The following MSRA variants were observed in gnomAD, a reference collection of about 807,000 sequenced individuals.
MSRA encodes methionine sulfoxide reductase A, also known as mitochondrial peptide methionine sulfoxide reductase.
MSRA carries 54 observed loss-of-function variants against 31.3 expected under a neutral mutation model. The observed-to-expected ratio is 1.73, with a 90% CI of 1.39 to 2.17. The LOEUF is 2.17. Among genes scored for constraint, MSRA ranks in the 30% most tolerant of loss-of-function variants. The probability of loss-of-function intolerance (pLI) is 0.00; values close to 1 mark genes in which losing one functional copy is unlikely to be tolerated. For synonymous variants in MSRA, 169 were observed against 116.5 expected (o/e 1.45, Z -2.90); for missense variants, 507 against 300.9 (o/e 1.69, Z -5.07).
intron 5 of MSRA, among the ~76,000 whole-genome samples, chr8:10,426,318 G>A (rs1490703675): frequency 1.3e-5 from 2 of 152,168 alleles, no homozygotes; most frequent in Non-Finnish European, 2.9e-5. Context: ...GAAGGAATTC[G>A]GTGTTTACAG....
chr8:10,106,561 A>G (rs1799896404), intron 1 of MSRA, among the ~76,000 whole-genome samples: 1 of 152,204 alleles, frequency 6.6e-6, no homozygotes, highest in Non-Finnish European at 1.5e-5. Flanking sequence ...AGAGACTGGC[A>G]GACACACACA....
chr8:10,321,493 G>T (rs1391496617), intron 5 of MSRA, among the ~76,000 whole-genome samples: 2 of 152,122 alleles, frequency 1.3e-5, no homozygotes, highest in East Asian at 3.9e-4. Flanking sequence ...TCCCTCCCAG[G>T]GTGATGTCTG....
intron 3 of MSRA, among the ~76,000 whole-genome samples, chr8:10,267,451 T>C (rs771932838): frequency 6.6e-6 from 1 of 152,084 alleles, no homozygotes; most frequent in Non-Finnish European, 1.5e-5. Context: ...TTCTTGTCCT[T>C]ATAATTATTC....
chr8:10,097,754 A>G (rs1166840698), intron 1 of MSRA, among the ~76,000 whole-genome samples: 3 of 152,178 alleles, frequency 2.0e-5, no homozygotes, highest in Non-Finnish European at 4.4e-5. Flanking sequence ...ATGTCCAATT[A>G]TTTTCCAGCA....
chr8:10,224,920 C>T (rs1810861736), intron 2 of MSRA, among the ~76,000 whole-genome samples: 1 of 152,172 alleles, frequency 6.6e-6, no homozygotes, highest in African/African-American at 2.4e-5. Flanking sequence ...GGGAGGATCA[C>T]CTGAGGTCAG....
chr8:10,162,340 C>G (rs1231031295), intron 1 of MSRA, among the ~76,000 whole-genome samples: 2 of 152,156 alleles, frequency 1.3e-5, no homozygotes, highest in African/African-American at 4.8e-5. Context: ...TCTCCTTGCA[C>G]CATGGGAGGA....
At chr8:10,246,702 C>A (rs1797639945) in intron 3 of MSRA, among the ~76,000 whole-genome samples, 1 of 152,102 alleles carries the variant, frequency 6.6e-6, no homozygotes, top group East Asian at 1.9e-4. Flanking sequence ...AGCTGTACAA[C>A]AATGAAAATA....
At chr8:10,157,251 G>C (rs901516362) in intron 1 of MSRA, among the ~76,000 whole-genome samples, 1 of 151,904 alleles carries the variant, frequency 6.6e-6, no homozygotes, top group Non-Finnish European at 1.5e-5. Context: ...CTTGATGTAT[G>C]GTATTTGAGT....
At chr8:10,270,565 G>C (rs1312457377) in intron 3 of MSRA, among the ~76,000 whole-genome samples, 2 of 152,196 alleles carry the variant, frequency 1.3e-5, no homozygotes, top group East Asian at 1.9e-4. Context: ...TGCTAGAGGA[G>C]GGAGGTCACC....
chr8:10,358,814 G>A (rs1263194623), intron 5 of MSRA, among the ~76,000 whole-genome samples: 8 of 148,276 alleles, frequency 5.4e-5, no homozygotes, highest in South Asian at 4.2e-4. Flanking sequence ...GGATGGTCTC[G>A]ATCTCCTGAC....
chr8:10,159,671 G>A (rs1442764389), intron 1 of MSRA, among the ~76,000 whole-genome samples: 1 of 152,178 alleles, frequency 6.6e-6, no homozygotes. Context: ...TTGCAGTGGG[G>A]AGAGGGGAGG....
At chr8:10,410,452 C>G (rs779240466) in intron 5 of MSRA, among the ~76,000 whole-genome samples, 4 of 152,164 alleles carry the variant, frequency 2.6e-5, no homozygotes, top group African/African-American at 7.2e-5. Context: ...TCCGTCACAT[C>G]GCAAAAATAA....
chr8:10,073,281 G>C (rs181786793), intron 1 of MSRA, among the ~76,000 whole-genome samples: 39 of 152,064 alleles, frequency 2.6e-4, no homozygotes, highest in African/African-American at 7.2e-4. Context: ...ATTGAGTTAC[G>C]GTAGTTCCTC....
chr8:10,427,568 C>G (rs559040024), intron 5 of MSRA, among the ~76,000 whole-genome samples: 1 of 152,170 alleles, frequency 6.6e-6, no homozygotes, highest in African/African-American at 2.4e-5. Flanking sequence ...CAGCAGGGTC[C>G]TTCTCCCCAG....
At chr8:10,377,876 C>T (rs1805839169) in intron 5 of MSRA, among the ~76,000 whole-genome samples, 1 of 152,182 alleles carries the variant, frequency 6.6e-6, no homozygotes, top group Non-Finnish European at 1.5e-5. Flanking sequence ...CTCGCCTCAC[C>T]AGGAGGAAGC....
intron 1 of MSRA, among the ~76,000 whole-genome samples, chr8:10,161,923 C>A (rs1804691406): frequency 6.6e-6 from 1 of 152,150 alleles, no homozygotes; most frequent in South Asian, 2.1e-4. Flanking sequence ...TTGTTTTGCC[C>A]ACTTGTTACA....
At chr8:10,102,244 C>T (rs1330483960) in intron 1 of MSRA, among the ~76,000 whole-genome samples, 1 of 152,206 alleles carries the variant, frequency 6.6e-6, no homozygotes, top group Non-Finnish European at 1.5e-5. Context: ...CCTCTTTCTC[C>T]TTTCCTTCCA....
At chr8:10,182,803 G>A (rs950350371) in intron 1 of MSRA, among the ~76,000 whole-genome samples, 14 of 152,168 alleles carry the variant, frequency 9.2e-5, no homozygotes, top group African/African-American at 3.1e-4. Context: ...AAGCACCAGA[G>A]AGAGTGTCCT....
At chr8:10,308,031 G>T (rs1801233481) in intron 4 of MSRA, among the ~76,000 whole-genome samples, 1 of 152,162 alleles carries the variant, frequency 6.6e-6, no homozygotes, top group Admixed American at 6.5e-5. Context: ...GTTAGTGTGG[G>T]GCTGAAGTGG....
Sources: gnomAD v4.1 joint callset for allele counts (sites outside exome capture counted in the v4.1 genomes callset) on GRCh38, gnomAD v4.1.1 for gene constraint, MANE v1.5 for transcripts, NCBI Gene and HGNC (gene_info 2026-07-23, HGNC 2026-07-21) for gene names.